The following CPQ variants were observed in gnomAD, a reference collection of about 807,000 sequenced individuals.
The protein encoded by CPQ is Ser-Met dipeptidase.
In CPQ, 37 loss-of-function variants were observed where a neutral mutation model predicts 45.7. The observed-to-expected ratio is 0.81, with a 90% CI of 0.62 to 1.07. The LOEUF (loss-of-function observed/expected upper bound fraction) is 1.07. Ranked by LOEUF, CPQ falls within the 50% of genes least tolerant of loss-of-function variation. The pLI, the probability that CPQ is intolerant of heterozygous loss-of-function variation, is 0.00. For missense variants in CPQ, 537 were observed against 572.9 expected (o/e 0.94, Z 0.64); for synonymous variants, 186 against 205.8 (o/e 0.90, Z 0.82).
intron 1 of CPQ, among the ~76,000 whole-genome samples, chr8:96,715,309 G>A (rs1240904167): frequency 1.3e-5 from 2 of 152,246 alleles, no homozygotes; most frequent in East Asian, 3.9e-4. Flanking sequence ...CAGGCCAGCA[G>A]GAAAGCAATC....
chr8:96,969,187 A>G (rs1434681549), intron 5 of CPQ, among the ~76,000 whole-genome samples: 5 of 152,222 alleles, frequency 3.3e-5, no homozygotes, highest in Admixed American at 2.6e-4. Context: ...TGGAATGTGG[A>G]ATATATAAGA....
At chr8:96,728,523 T>C (rs539290590) in intron 1 of CPQ, among the ~76,000 whole-genome samples, 2 of 152,158 alleles carry the variant, frequency 1.3e-5, no homozygotes, top group Non-Finnish European at 2.9e-5. Context: ...GGTCACAATA[T>C]TTTGATTTGA....
intron 1 of CPQ, among the ~76,000 whole-genome samples, chr8:96,704,697 A>G (rs1397789946): frequency 6.6e-6 from 1 of 152,094 alleles, no homozygotes; most frequent in Non-Finnish European, 1.5e-5. Context: ...AGGGATTTGG[A>G]GTTTTATCCT....
chr8:96,791,762 CCT>C (rs1041800636), intron 2 of CPQ, among the ~76,000 whole-genome samples: 1 of 152,136 alleles, frequency 6.6e-6, no homozygotes, highest in African/African-American at 2.4e-5. Context: ...TATCTTCTAG[CCT>C]CTCTCTCAGG....
intron 2 of CPQ, among the ~76,000 whole-genome samples, chr8:96,830,349 A>T (rs180821226): frequency 6.9e-4 from 105 of 152,222 alleles, no homozygotes; most frequent in Admixed American, 3.5e-3. Context: ...GAATCAAATC[A>T]GGAGAGACTG....
intron 1 of CPQ, among the ~76,000 whole-genome samples, chr8:96,710,486 C>T (rs1809592364): frequency 6.6e-6 from 1 of 152,030 alleles, no homozygotes; most frequent in Non-Finnish European, 1.5e-5. Flanking sequence ...AGCATTTAGA[C>T]CTATAATTTT....
intron 1 of CPQ, among the ~76,000 whole-genome samples, chr8:96,732,853 CA>C (rs1292310046): frequency 6.6e-6 from 1 of 152,156 alleles, no homozygotes; most frequent in African/African-American, 2.4e-5. Context: ...CACAACTTGC[CA>C]TTGAAAGGCT....
intron 4 of CPQ, among the ~76,000 whole-genome samples, chr8:96,933,347 A>G (rs1262889042): frequency 6.6e-6 from 1 of 152,176 alleles, no homozygotes; most frequent in African/African-American, 2.4e-5. Context: ...CTCTGTGTGG[A>G]ACTGGATGCT....
At chr8:96,761,750 G>C (rs1476611539) in intron 1 of CPQ, among the ~76,000 whole-genome samples, 1 of 152,180 alleles carries the variant, frequency 6.6e-6, no homozygotes, top group Non-Finnish European at 1.5e-5. Flanking sequence ...AATTAAATGA[G>C]ATAATGTGAT....
At position 96,920,784 on chromosome 8, in the gene CPQ, C is replaced by T. The variant is rs558955701; in HGVS notation, c.849+40779C>T. Among the ~76,000 whole-genome samples, 7 of 152,236 alleles carry T rather than the reference C, an allele frequency of 4.6e-5. No homozygotes were observed. In the East Asian group the frequency reaches 1.2e-3, roughly 25 times the overall value. ...AGAGGGGGACCACCTTGTGAAGAGA[C>T]AGAGAACAGGCGGCCATCTGCAAGC... On this transcript the variant is annotated intron_variant, in intron 4 of 7. Coordinates refer to ENST00000220763, the MANE Select transcript of CPQ (RefSeq NM_016134.4).
At chr8:96,794,469 CT>C (rs1810898360) in intron 2 of CPQ, among the ~76,000 whole-genome samples, 2 of 152,294 alleles carry the variant, frequency 1.3e-5, no homozygotes, top group South Asian at 4.1e-4. Context: ...CCACTTTTTC[CT>C]CCTAGGCCTT....
rs1054877487 is a variant in CPQ at position 96,655,098 on chromosome 8, A to AT, written c.-35+9704dup. Among the ~76,000 whole-genome samples, 11 of 151,334 alleles carry AT rather than the reference A, an allele frequency of 7.3e-5. No individual in the cohort carries two copies. In the East Asian group the frequency reaches 1.5e-3, roughly 21 times the overall value. ...TGTTTTATTTAAGATCATCTTGGTGATTTTTTTTAATTCCCTATGAATTTT... is the reference window on the plus strand; with the variant it reads ...TGTTTTATTTAAGATCATCTTGGTGATTTTTTTTTAATTCCCTATGAATTTT... On this transcript the variant is annotated intron_variant, in intron 1 of 7. Transcript: ENST00000220763.
chr8:97,109,736 C>A (rs532295804), intron 7 of CPQ, among the ~76,000 whole-genome samples: 1 of 152,068 alleles, frequency 6.6e-6, no homozygotes, highest in Non-Finnish European at 1.5e-5. Flanking sequence ...ATGTACTCAG[C>A]GCTTTTGGCT....
At chr8:97,017,050 C>A (rs1809592175) in intron 5 of CPQ, among the ~76,000 whole-genome samples, 1 of 152,130 alleles carries the variant, frequency 6.6e-6, no homozygotes, top group Non-Finnish European at 1.5e-5. Flanking sequence ...CCTGCAGGAC[C>A]TGGGAGACAC....
chr8:96,973,338 A>G (rs1398492002), intron 5 of CPQ, among the ~76,000 whole-genome samples: 1 of 152,132 alleles, frequency 6.6e-6, no homozygotes, highest in African/African-American at 2.4e-5. Context: ...GAATGAAAAA[A>G]TTGAACAAAG....
intron 1 of CPQ, among the ~76,000 whole-genome samples, chr8:96,688,257 C>A (rs973389572): frequency 6.6e-6 from 1 of 152,010 alleles, no homozygotes; most frequent in Non-Finnish European, 1.5e-5. Context: ...ATACCATGAA[C>A]GTTATTTTCT....
At chr8:96,719,182 G>T (rs565933412) in intron 1 of CPQ, among the ~76,000 whole-genome samples, 30 of 152,352 alleles carry the variant, frequency 2.0e-4, no homozygotes, top group Admixed American at 1.8e-3. Context: ...GCCCATGGAG[G>T]GGGTGGGAGG....
At chr8:97,035,680 T>TTTTG (rs869295970) in intron 6 of CPQ, among the ~76,000 whole-genome samples, 29 of 132,044 alleles carry the variant, frequency 2.2e-4, no homozygotes, top group Admixed American at 1.6e-3. Flanking sequence ...CCTTAAGACT[T>TTTTG]TTTGTTTGTT....
intron 5 of CPQ, among the ~76,000 whole-genome samples, chr8:96,971,809 G>A (rs1446661250): frequency 2.6e-5 from 4 of 152,116 alleles, no homozygotes; most frequent in Admixed American, 6.5e-5. Flanking sequence ...TGCACTTATC[G>A]ATGAAAGTAC....
Sources: allele counts gnomAD v4.1 joint callset (sites outside exome capture counted in the v4.1 genomes callset), GRCh38; gene constraint gnomAD v4.1.1; transcripts MANE v1.5; gene names NCBI Gene and HGNC (gene_info 2026-07-23, HGNC 2026-07-21).